Variants in ADGRV1 observed in about 807,000 individuals in gnomAD.
ADGRV1 encodes G-protein coupled receptor 98.
In ADGRV1, 359 loss-of-function variants were observed where a neutral mutation model predicts 596.2. The ratio of observed to expected loss-of-function variants is 0.60; its 90% CI spans 0.55 to 0.66. The LOEUF (loss-of-function observed/expected upper bound fraction) is 0.66. Among genes scored for constraint, ADGRV1 ranks in the 30% least tolerant of loss-of-function variants. ADGRV1 has a pLI of 0.00. For missense variants in ADGRV1, 7,274 were observed against 7,575.6 expected (o/e 0.96, Z 1.48); for synonymous variants, 2,681 against 2,679.2 (o/e 1.00, Z -0.02).
At position 90,700,720 on chromosome 5, in the gene ADGRV1, C is replaced by A. The variant is rs932675716; in HGVS notation, c.8156-2945C>A. 2.6e-5 allele frequency among the ~76,000 whole-genome samples: 4 copies of A among 152,092 alleles called. No individual in the cohort carries two copies. In the South Asian group the frequency reaches 6.2e-4, roughly 24 times the overall value. On this transcript the variant is annotated intron_variant, in intron 34 of 89. Transcript: ENST00000405460. ...TGATTCTTTAAAGAAATATATAGAA[C>A]CGCTCTACTGGAAACACTCAACTTT...
At chr5:90,868,690 CT>C (rs1768373286) in intron 83 of ADGRV1, among the ~76,000 whole-genome samples, 1 of 127,108 alleles carries the variant, frequency 7.9e-6, no homozygotes, top group African/African-American at 3.0e-5. Flanking sequence ...TTAAATGTGT[CT>C]TTATGTAGAG....
At chr5:90,756,753 A>G (rs188562052) in intron 56 of ADGRV1, 123 bp downstream of exon 56, 3 of 869,856 alleles carry the variant, frequency 3.4e-6, no homozygotes, top group Admixed American at 2.9e-5. Flanking sequence ...AATTTGTCTT[A>G]TAAACTAATT....
chr5:90,922,137 A>G (rs1431538253), intron 83 of ADGRV1, among the ~76,000 whole-genome samples: 1 of 152,238 alleles, frequency 6.6e-6, no homozygotes, highest in Non-Finnish European at 1.5e-5. Context: ...AATGTCTTCC[A>G]GGGCCTTTCC....
intron 76 of ADGRV1, among the ~76,000 whole-genome samples, chr5:90,826,644 A>G (rs1463294334): frequency 6.6e-6 from 1 of 151,786 alleles, no homozygotes; most frequent in Non-Finnish European, 1.5e-5. Context: ...ATGGATGGAG[A>G]TGGAGCCCGA....
rs1755675697 is a variant in ADGRV1, at chr5:90,754,988, A to G, written c.11383A>G (p.Thr3795Ala). The G allele has an allele frequency of 6.2e-7, 1 of 1,610,174 alleles. No homozygotes were observed. The highest frequency in any genetic ancestry group is 8.5e-7 in the Non-Finnish European group (1 of 1,176,706). Residue 3795 changes from threonine (T) to alanine (A), a missense_variant, in exon 55 of 90, where the codon ACC becomes GCC. By Grantham distance (58) the Thr-to-Ala change is moderately conservative. Around this residue, in one of 5 missense-constraint regions of ADGRV1, gnomAD observed 3,643 missense variants for 3,809.2 expected, o/e 0.96. Transcript: ENST00000405460. ...FIRVAEPKEN[T>A]TTLQLQIARD... is the part of the protein sequence containing the mutation. ...GTGGCATGTTTCTCTCACAGAAAACACCACCACTCTTCAGTTACAAATAGC... is the reference window on the plus strand; with the variant it reads ...GTGGCATGTTTCTCTCACAGAAAACGCCACCACTCTTCAGTTACAAATAGC...
chr5:90,788,273 C>A lies in ADGRV1; in HGVS notation c.13856C>A (p.Ala4619Asp). Reference protein sequence around the residue: ...IIKLHLVKGEAKLDSRAKDVT... With the variant: ...IIKLHLVKGEDKLDSRAKDVT... ...AAACTTCATCTTGTGAAAGGAGAAG[C>A]TAAATTAGACTCCAGAGCTAAAGAT... Residue 4619 changes from alanine (A) to aspartate (D), a missense_variant, in exon 68 of 90, where the codon GCT becomes GAT. Coordinates refer to ENST00000405460, the MANE Select transcript of ADGRV1 (RefSeq NM_032119.4). 1 of 1,612,434 alleles carries A rather than the reference C, an allele frequency of 6.2e-7. No individual in the cohort carries two copies. Among genetic ancestry groups the A allele is most frequent in the Non-Finnish European group, 8.5e-7 (1 of 1,178,590 alleles).
At chr5:90,896,931 TG>T (rs1367335414) in intron 83 of ADGRV1, among the ~76,000 whole-genome samples, 3 of 152,162 alleles carry the variant, frequency 2.0e-5, no homozygotes, top group African/African-American at 7.2e-5. Flanking sequence ...AGGTTCTTGT[TG>T]GGGGGCTGAC....
At chr5:90,730,800 G>A (rs1239618305) in intron 50 of ADGRV1, among the ~76,000 whole-genome samples, 1 of 152,158 alleles carries the variant, frequency 6.6e-6, no homozygotes, top group African/African-American at 2.4e-5. Context: ...CAGACAGTGG[G>A]TCATCATGTC....
intron 59 of ADGRV1, among the ~76,000 whole-genome samples, chr5:90,772,514 T>A (rs190186328): frequency 1.3e-5 from 2 of 152,208 alleles, no homozygotes; most frequent in Non-Finnish European, 2.9e-5. Context: ...GTAGAAAATA[T>A]GTATGTTAGA....
At position 90,802,866 on chromosome 5, in the gene ADGRV1, A is replaced by G; in HGVS notation, c.14645A>G (p.Lys4882Arg). ...TCTGCTGTCCTTCCAGTCTCTGAGAAAGCTGCCAATTCTCAGGTAATTGGC... is the reference window on the plus strand; with the variant it reads ...TCTGCTGTCCTTCCAGTCTCTGAGAGAGCTGCCAATTCTCAGGTAATTGGC... ...AKSAVLPVSE[K>R]AANSQVGFES... The change falls in exon 71 of 90, where the codon AAA becomes AGA. Residue 4882 changes from lysine to arginine, a missense_variant. Physicochemically the swap from Lys to Arg is conservative, Grantham distance 26. This residue lies in a region of ADGRV1 where 1,874 missense variants were observed against 1,970.2 expected (regional missense o/e 0.95). Transcript: ENST00000405460. 6.2e-7 allele frequency: 1 copy of G among 1,607,144 alleles called. No individual in the cohort carries two copies. The highest frequency in any genetic ancestry group is 1.1e-5 in the South Asian group (1 of 89,296).
intron 42 of ADGRV1, among the ~76,000 whole-genome samples, chr5:90,715,212 T>C (rs1165901777): frequency 2.6e-5 from 4 of 152,108 alleles, no homozygotes; most frequent in African/African-American, 9.7e-5. Context: ...TGATGAGAAA[T>C]GAGGAGGTGA....
At chr5:90,978,164 A>G (rs1004015861) in intron 84 of ADGRV1, among the ~76,000 whole-genome samples, 55 of 151,942 alleles carry the variant, frequency 3.6e-4, no homozygotes, top group African/African-American at 9.7e-4. Context: ...GCATGGTGGC[A>G]GGCGCCTGTA....
chr5:91,086,576 C>A (rs376630672), intron 86 of ADGRV1, among the ~76,000 whole-genome samples: 1 of 152,164 alleles, frequency 6.6e-6, no homozygotes, highest in South Asian at 2.1e-4. Flanking sequence ...TATAGACTTA[C>A]TAAATTAGAA....
At chr5:90,839,296 C>T (rs534328043) in intron 77 of ADGRV1, among the ~76,000 whole-genome samples, 5 of 152,270 alleles carry the variant, frequency 3.3e-5, no homozygotes, top group South Asian at 4.2e-4. Flanking sequence ...CTCACTGCAA[C>T]GTCTGCCTCC....
In ADGRV1 at chr5:91,047,222, G is replaced by A. The variant is rs191898165; in HGVS notation, c.18153-25225G>A. The stretch of plus-strand genomic sequence containing the variant: ...TTCTTAGTCAAACAGTTCCCTTATT[G>A]TTATAAAAAAGATAATATCCTTTAT... On this transcript the variant is annotated intron_variant, in intron 85 of 89. Transcript: ENST00000405460. Among the ~76,000 whole-genome samples the A allele has an allele frequency of 5.3e-5, 8 of 152,162 alleles. No individual in the cohort carries two copies. In the East Asian group the frequency reaches 9.6e-4, roughly 18 times the overall value.
rs1232747286 is a variant in ADGRV1 at position 90,683,731 on chromosome 5, CT to C, written c.5811del (p.Asp1938ThrfsTer30). On this transcript the variant is annotated frameshift_variant, in exon 28 of 90. Coordinates refer to ENST00000405460, the MANE Select transcript of ADGRV1 (RefSeq NM_032119.4). LOFTEE classifies it high-confidence loss of function. ...TSANITVEIL[P>X]DEDPELDKAF... ...GCCAATATCACTGTGGAGATATTGCCTGACGAAGACCCAGAACTGGATAAGG... is the reference window on the plus strand; with the variant it reads ...GCCAATATCACTGTGGAGATATTGCCGACGAAGACCCAGAACTGGATAAGG... 2 of 1,613,702 alleles carry C rather than the reference CT, an allele frequency of 1.2e-6. No individual in the cohort carries two copies. Among genetic ancestry groups the C allele is most frequent in the Admixed American group, 1.7e-5 (1 of 59,970 alleles).
chr5:90,991,934 C>T (rs1389493222), intron 85 of ADGRV1, among the ~76,000 whole-genome samples: 1 of 152,208 alleles, frequency 6.6e-6, no homozygotes, highest in Non-Finnish European at 1.5e-5. Flanking sequence ...AACAAAGTCA[C>T]CATACATCTT....
intron 1 of ADGRV1, among the ~76,000 whole-genome samples, chr5:90,559,123 C>A (rs1310315112): frequency 6.6e-6 from 1 of 152,098 alleles, no homozygotes; most frequent in African/African-American, 2.4e-5. Flanking sequence ...TCCAAGGCTG[C>A]GGTTTTGCAG....
At chr5:91,095,228 G>A (rs1002698066) in intron 86 of ADGRV1, among the ~76,000 whole-genome samples, 7 of 151,690 alleles carry the variant, frequency 4.6e-5, no homozygotes, top group Non-Finnish European at 7.4e-5. Flanking sequence ...TTTACACGGG[G>A]TCTCACTCTG....
Sources: gnomAD v4.1 joint callset for allele counts (sites outside exome capture counted in the v4.1 genomes callset) on GRCh38, gnomAD v4.1.1 for gene constraint, gnomAD v4.1.1 regional missense constraint, MANE v1.5 for transcripts, NCBI Gene and HGNC (gene_info 2026-07-23, HGNC 2026-07-21) for gene names.